The following GGA1 variants were observed in gnomAD, a reference collection of about 807,000 sequenced individuals.
GGA1 encodes golgi associated, gamma adaptin ear containing, ARF binding protein 1.
A neutral mutation model predicts 76.9 loss-of-function variants in GGA1; 18 were observed. That is an observed-to-expected ratio of 0.23 (90% CI 0.16 to 0.35). The LOEUF (loss-of-function observed/expected upper bound fraction) is 0.35. Among genes scored for constraint, GGA1 ranks in the 10% least tolerant of loss-of-function variants. GGA1 has a pLI of 1.00. For missense variants in GGA1, 755 were observed against 859.0 expected, an observed-to-expected ratio of 0.88 and a Z score of 1.51; for synonymous variants, 342 against 354.7, an observed-to-expected ratio of 0.96 and a Z score of 0.40.
rs1930359431 is a variant in GGA1, at chr22:37,623,965, G to A, written c.832+332G>A. On this transcript the variant is annotated intron_variant, in intron 9 of 16. Transcript: ENST00000343632. The surrounding 1 kb of genome is among the most constrained non-coding windows in gnomAD (Gnocchi z 4.6). ...CAGAGCAGAACAGTGGCAGAGCCAG[G>A]GGAGACGGAGGGCCATCTGCCCCCA... 1 of 278,288 alleles carries A rather than the reference G, an allele frequency of 3.6e-6. No individual in the cohort carries two copies. The highest frequency in any genetic ancestry group is 7.0e-6 in the Non-Finnish European group (1 of 142,798). The allele number at this position is 278,288 out of a possible 1,614,324, so 17.2% of individuals were successfully genotyped here.
chr22:37,621,722 G>A, intron 7 of GGA1, 26 bp downstream of exon 7: 1 of 1,481,400 alleles, frequency 6.8e-7, no homozygotes, highest in Non-Finnish European at 9.2e-7. Flanking sequence ...AGAGCACAGG[G>A]AGGAGGCGGG....
chr22:37,630,145 C>A lies in GGA1; in HGVS notation c.1306C>A (p.Pro436Thr). The A allele has an allele frequency of 2.5e-6, 4 of 1,590,014 alleles. No homozygotes were observed. Among genetic ancestry groups the A allele is most frequent in the Middle Eastern group, 1.7e-4 (1 of 5,946 alleles). ...GAAGACCCTCCTGCAGCAGTCGCTG[C>A]CCCCGGAATCCCAGCAAGTGCGGTG... ...LGKTLLQQSL[P>T]PESQQVRWEK... Residue 436 changes from proline to threonine, a missense_variant, in exon 13 of 17, where the codon CCC (proline) becomes ACC (threonine). Pro to Thr is a conservative substitution (Grantham distance 38). Transcript: ENST00000343632.
intron 3 of GGA1, chr22:37,617,817 GGTT>G: frequency 1.0e-6 from 1 of 953,576 alleles, no homozygotes; most frequent in Non-Finnish European, 1.2e-6. Flanking sequence ...GCCTATATAA[GGTT>G]TTTTTAAAAA....
At chr22:37,609,171 A>C (rs1302030025) in intron 1 of GGA1, 7 of 1,428,482 alleles carry the variant, frequency 4.9e-6, no homozygotes, top group African/African-American at 3.0e-5. Flanking sequence ...TGCGCCGGGA[A>C]CCCCCGGGAC....
In GGA1 at chr22:37,615,808, C is replaced by T. The variant is rs1039811883; in HGVS notation, c.129-1114C>T. 4.6e-5 allele frequency among the ~76,000 whole-genome samples: 7 copies of T among 152,086 alleles called. No homozygotes were observed. In the East Asian group the frequency reaches 7.8e-4, roughly 17 times the overall value. On this transcript the variant is annotated intron_variant, in intron 2 of 16. Transcript: ENST00000343632. ...CACCTTCTTGGGCTGCCCCCAGACT[C>T]GACTGTCCAGTGGGGGGTTGGGAGT...
chr22:37,629,501 A>G lies in GGA1; in HGVS notation c.1133A>G (p.Asp378Gly). 1 of 1,583,410 alleles carries G rather than the reference A, an allele frequency of 6.3e-7. No individual in the cohort carries two copies. The highest frequency in any genetic ancestry group is 2.4e-5 in the East Asian group (1 of 42,064). The part of the protein sequence containing the change: ...DPTPPSGPSL[D>G]GTGWNSFQSS... The stretch of plus-strand genomic sequence containing the variant: ...ACACCCCCTTCAGGCCCAAGCCTGG[A>G]TGGTACCGGATGGAACAGCTTCCAG... The change falls in exon 12 of 17, where the codon GAT becomes GGT. Residue 378 changes from aspartate (D) to glycine (G), a missense_variant. By Grantham distance (94) the Asp-to-Gly change is moderately conservative. Transcript: ENST00000343632.
chr22:37,633,069 G>C lies in GGA1; in HGVS notation c.*358G>C, dbSNP rs1932092825. 1 of 239,998 alleles carries C rather than the reference G, an allele frequency of 4.2e-6. No homozygotes were observed. Among genetic ancestry groups the C allele is most frequent in the African/African-American group, 2.2e-5 (1 of 44,990 alleles). 14.9% of individuals were successfully genotyped at this position (239,998 alleles called of 1,614,324 possible). The stretch of plus-strand genomic sequence containing the variant: ...GCCCAGCCCCAACCCCAGCTGGGGT[G>C]GGGTCTTCCCCACCTGTCTCTTATG... On this transcript the variant is annotated 3_prime_UTR_variant, in exon 17 of 17. Coordinates refer to ENST00000343632, the MANE Select transcript of GGA1 (RefSeq NM_013365.5).
chr22:37,611,320 C>T (rs187899708), intron 1 of GGA1, among the ~76,000 whole-genome samples: 41 of 151,850 alleles, frequency 2.7e-4, no homozygotes, highest in African/African-American at 9.6e-4. Context: ...TGAGAGCCCT[C>T]CCAGAGAGCA....
At chr22:37,617,571 T>A in intron 3 of GGA1, 1 of 976,328 alleles carries the variant, frequency 1.0e-6, no homozygotes, top group Non-Finnish European at 1.2e-6. Context: ...CAGTGGCTTA[T>A]ACCTGTAATT....
At chr22:37,621,068 A>G (rs932716496) in intron 6 of GGA1, among the ~76,000 whole-genome samples, 155 bp downstream of exon 6, 1 of 152,186 alleles carries the variant, frequency 6.6e-6, no homozygotes, top group African/African-American at 2.4e-5. Context: ...CTGGGCATTT[A>G]ATATGTGCTG....
At position 37,616,948 on chromosome 22, in the gene GGA1, C is replaced by G. The variant is rs1351810828; in HGVS notation, c.155C>G (p.Ala52Gly). The G allele has an allele frequency of 1.9e-6, 3 of 1,608,352 alleles. No homozygotes were observed. The East Asian group carries it at 6.7e-5, about 36-fold the overall frequency. ...CCTCCACTCGCCACCCGGCTGCTGG[C>G]CCACAAGATCCAGTCCCCACAGGAG... ...EGPPLATRLL[A>G]HKIQSPQEWE... The change falls in exon 3 of 17, where the codon GCC (alanine) becomes GGC (glycine). Residue 52 changes from alanine (A) to glycine (G), a missense_variant. By Grantham distance (60) the Ala-to-Gly change is moderately conservative (BLOSUM62 0). Coordinates refer to ENST00000343632, the MANE Select transcript of GGA1 (RefSeq NM_013365.5).
At chr22:37,626,566 C>T (rs939381116) in intron 11 of GGA1, 2 of 152,272 alleles carry the variant, frequency 1.3e-5, no homozygotes, top group African/African-American at 4.8e-5. Context: ...ATCAGAACAG[C>T]CTCCTCCTGA....
intron 7 of GGA1, 40 bp downstream of exon 7, chr22:37,621,736 G>A: frequency 7.3e-7 from 1 of 1,370,266 alleles, no homozygotes. Context: ...AGGCGGGATG[G>A]GGGTATTGAG....
rs1930224956 is a variant in GGA1, at chr22:37,623,349, T to C, written c.632T>C (p.Ile211Thr). The C allele has an allele frequency of 8.1e-6, 13 of 1,613,906 alleles. No individual in the cohort carries two copies. The South Asian group carries it at 1.4e-4, about 18-fold the overall frequency. ...CAGGACCAGAAGCGGATGGAGAAGATCTCGAAGAGGGTGAATGCCATCGAG... is the reference window on the plus strand; with the variant it reads ...CAGGACCAGAAGCGGATGGAGAAGACCTCGAAGAGGGTGAATGCCATCGAG... ...VQEDQKRMEK[I>T]SKRVNAIEEV... Residue 211 changes from isoleucine (I) to threonine (T), a missense_variant, in exon 8 of 17, where the codon ATC becomes ACC. Coordinates refer to ENST00000343632, the MANE Select transcript of GGA1 (RefSeq NM_013365.5). This position sits in a 1 kb window ranked among gnomAD's most constrained non-coding sequence, Gnocchi z 4.6.
intron 3 of GGA1, chr22:37,617,390 G>A (rs1356242628): frequency 1.5e-5 from 16 of 1,091,854 alleles, no homozygotes; most frequent in African/African-American, 1.7e-5. Flanking sequence ...AAGGGGTGGT[G>A]CTTGGGCTCA....
chr22:37,614,048 G>T (rs890200656), intron 1 of GGA1, 142 bp from the exon 2 acceptor site: 9 of 667,114 alleles, frequency 1.3e-5, no homozygotes, highest in Non-Finnish European at 2.5e-5. Flanking sequence ...GAGGCTGTCT[G>T]GGCAGGAAGG....
intron 11 of GGA1, among the ~76,000 whole-genome samples, chr22:37,628,238 T>C (rs1931195364): frequency 6.6e-6 from 1 of 152,216 alleles, no homozygotes. Flanking sequence ...ACCACAGGCA[T>C]TGGCTAATTT....
rs369421250 is a variant in GGA1, at chr22:37,631,018, C to G, written c.1447C>G (p.Pro483Ala). ...CCTTCTCCACACCGTGTCCCCAGAG[C>G]CCCCCAGGCCTCCGCAGCAGCCCGT... Reference protein sequence around the residue: ...TSLLHTVSPEPPRPPQQPVPT... With the variant: ...TSLLHTVSPEAPRPPQQPVPT... The change falls in exon 14 of 17, where the codon CCC (proline) becomes GCC (alanine). Residue 483 changes from proline to alanine, a missense_variant. Pro to Ala is a conservative substitution (Grantham distance 27). Transcript: ENST00000343632. The G allele has an allele frequency of 1.5e-5, 24 of 1,612,730 alleles. No homozygotes were observed. The African/African-American group carries it at 2.3e-4, about 15-fold the overall frequency.
rs1931622450 is a variant in GGA1 at position 37,630,582 on chromosome 22, T to A, written c.1332-321T>A. ...TCACCAAAGAATCACTTTTTCTTTT[T>A]TTGAGAGGGAGTCTCACCCTGTCAC... is the stretch of plus-strand genomic sequence containing the variant. On this transcript the variant is annotated intron_variant, in intron 13 of 16. Coordinates refer to ENST00000343632, the MANE Select transcript of GGA1 (RefSeq NM_013365.5). 2 of 451,716 alleles carry A rather than the reference T, an allele frequency of 4.4e-6. 1 individual carries two copies. The highest frequency in any genetic ancestry group is 7.8e-6 in the Non-Finnish European group (2 of 255,722). 28.0% of individuals were successfully genotyped at this position (451,716 alleles called of 1,614,324 possible).
Sources: gnomAD v4.1 joint callset for allele counts (sites outside exome capture counted in the v4.1 genomes callset) on GRCh38, gnomAD v4.1.1 for gene constraint, Gnocchi (gnomAD v3.1) non-coding constraint, MANE v1.5 for transcripts, NCBI Gene and HGNC (gene_info 2026-07-23, HGNC 2026-07-21) for gene names.